The following RP1 variants were observed in gnomAD, a reference collection of about 807,000 sequenced individuals.
RP1 encodes the protein oxygen-regulated protein 1.
In RP1, 16 loss-of-function variants were observed where a neutral mutation model predicts 14.8. The ratio of observed to expected loss-of-function variants is 1.08; its 90% CI spans 0.73 to 1.65. RP1 has a LOEUF of 1.65. Among genes scored for constraint, RP1 ranks in the 40% most tolerant of loss-of-function variants. RP1 has a pLI of 0.00. For missense variants in RP1, 2,631 were observed against 2,535.0 expected, an observed-to-expected ratio of 1.04 and a Z score of -0.81; for synonymous variants, 876 against 883.6, an observed-to-expected ratio of 0.99 and a Z score of 0.15.
At chr8:54,683,424 C>G (rs2129336533) in intron 12 of RP1, among the ~76,000 whole-genome samples, 1 of 152,202 alleles carries the variant, frequency 6.6e-6, no homozygotes, top group African/African-American at 2.4e-5. Context: ...ATTGATTCTT[C>G]CTCTCTGTGA....
chr8:54,779,223 T>A (rs1034092166), intron 23 of RP1, among the ~76,000 whole-genome samples: 1 of 152,034 alleles, frequency 6.6e-6, no homozygotes, highest in Non-Finnish European at 1.5e-5. Flanking sequence ...ACGTGCTGGG[T>A]TTTTTCGCTT....
chr8:54,559,754 G>T (rs191014671), intron 1 of RP1, among the ~76,000 whole-genome samples: 1 of 152,166 alleles, frequency 6.6e-6, no homozygotes, highest in East Asian at 1.9e-4. Flanking sequence ...AGTGGGTCAC[G>T]TTCGGGCAGG....
chr8:54,704,889 T>A (rs1280863607), intron 14 of RP1, among the ~76,000 whole-genome samples: 1 of 152,182 alleles, frequency 6.6e-6, no homozygotes, highest in African/African-American at 2.4e-5. Context: ...ACATTTAATC[T>A]CTCTCTTTTC....
intron 1 of RP1, among the ~76,000 whole-genome samples, chr8:54,608,734 T>A (rs1229857212): frequency 6.6e-6 from 1 of 152,238 alleles, no homozygotes; most frequent in African/African-American, 2.4e-5. Context: ...ATATATTTGC[T>A]ATCCTAATAA....
intron 1 of RP1, among the ~76,000 whole-genome samples, chr8:54,593,785 G>A (rs892152755): frequency 6.6e-6 from 1 of 152,232 alleles, no homozygotes; most frequent in African/African-American, 2.4e-5. Context: ...ATCAGGCACA[G>A]GGTCTGACTG....
intron 4 of RP1, among the ~76,000 whole-genome samples, chr8:54,651,564 G>A (rs888589744): frequency 6.6e-6 from 1 of 151,928 alleles, no homozygotes; most frequent in Admixed American, 6.6e-5. Flanking sequence ...ATTGCTCATA[G>A]CATTCTTTTA....
chr8:54,847,206 A>G (rs1811944599), intron 25 of RP1, among the ~76,000 whole-genome samples: 1 of 152,186 alleles, frequency 6.6e-6, no homozygotes, highest in South Asian at 2.1e-4. Context: ...TAAAAAAAAG[A>G]GAGAGATTTT....
intron 1 of RP1, among the ~76,000 whole-genome samples, chr8:54,603,470 G>A (rs62514592): frequency 0.24 from 35,957 of 152,080 alleles, 4,566 homozygotes; most frequent in Non-Finnish European, 0.26. Context: ...GTCAGGTAGC[G>A]TGGTGCCTCC....
intron 23 of RP1, among the ~76,000 whole-genome samples, chr8:54,777,337 T>A (rs1234699734): frequency 2.6e-5 from 4 of 152,180 alleles, no homozygotes; most frequent in East Asian, 3.8e-4. Context: ...CTTTACTACA[T>A]CATACAATAA....
intron 1 of RP1, among the ~76,000 whole-genome samples, chr8:54,580,899 G>A (rs1384336919): frequency 6.6e-6 from 1 of 152,218 alleles, no homozygotes; most frequent in Admixed American, 6.5e-5. Context: ...GTACAGGCAT[G>A]AGCAACTGCG....
At chr8:54,657,829 C>A (rs529218524) in intron 6 of RP1, among the ~76,000 whole-genome samples, 1 of 152,086 alleles carries the variant, frequency 6.6e-6, no homozygotes, top group African/African-American at 2.4e-5. Flanking sequence ...TATTTTCCTG[C>A]GAAGGATAAA....
chr8:54,679,129 T>G, intron 9 of RP1, among the ~76,000 whole-genome samples: 1 of 152,198 alleles, frequency 6.6e-6, no homozygotes, highest in East Asian at 1.9e-4. Context: ...CCAGTGAATA[T>G]AACATCTACG....
intron 22 of RP1, among the ~76,000 whole-genome samples, chr8:54,764,685 T>C (rs1809720070): frequency 6.6e-6 from 1 of 152,166 alleles, no homozygotes; most frequent in African/African-American, 2.4e-5. Context: ...AATTTACATG[T>C]GTAATAAATT....
At chr8:54,577,383 G>C (rs1160477657) in intron 1 of RP1, among the ~76,000 whole-genome samples, 1 of 152,188 alleles carries the variant, frequency 6.6e-6, no homozygotes, top group Admixed American at 6.5e-5. Flanking sequence ...GGTGTAAAAA[G>C]TGTCAATCAT....
At chr8:54,565,571 C>T (rs865876746) in intron 1 of RP1, among the ~76,000 whole-genome samples, 6 of 152,074 alleles carry the variant, frequency 3.9e-5, no homozygotes, top group African/African-American at 1.5e-4. Context: ...ACAGATCCAC[C>T]CAGACACCAG....
intron 18 of RP1, among the ~76,000 whole-genome samples, chr8:54,735,014 T>G (rs987120857): frequency 1.3e-5 from 2 of 152,136 alleles, no homozygotes; most frequent in African/African-American, 4.8e-5. Context: ...CCCTATAAAC[T>G]GTCAACTTCA....
chr8:54,771,553 C>T (rs1038421646), downstream of RP1, among the ~76,000 whole-genome samples: 11 of 151,812 alleles, frequency 7.2e-5, no homozygotes, highest in Non-Finnish European at 1.3e-4. Flanking sequence ...TTTTAAAATG[C>T]TTCCTTCTAA....
intron 1 of RP1, among the ~76,000 whole-genome samples, chr8:54,582,355 G>T (rs1234721806): frequency 1.3e-5 from 2 of 152,002 alleles, no homozygotes; most frequent in Non-Finnish European, 2.9e-5. Flanking sequence ...CTGTTCCATT[G>T]GTCTACATCT....
chr8:54,787,342 G>T (rs1810345962), intron 24 of RP1, among the ~76,000 whole-genome samples: 1 of 152,100 alleles, frequency 6.6e-6, no homozygotes, highest in Non-Finnish European at 1.5e-5. Flanking sequence ...GCTAACCCTT[G>T]AATCTGTTTA....
Sources: allele counts gnomAD v4.1 joint callset (sites outside exome capture counted in the v4.1 genomes callset), GRCh38; gene constraint gnomAD v4.1.1; transcripts MANE v1.5; gene names NCBI Gene and HGNC (gene_info 2026-07-23, HGNC 2026-07-21).